Variants in PRRG4 observed in about 807,000 individuals in gnomAD.
The protein encoded by PRRG4 is proline rich and Gla domain 4.
In PRRG4, 12 loss-of-function variants were observed where a neutral mutation model predicts 20.0. The ratio of observed to expected loss-of-function variants is 0.60; its 90% CI spans 0.38 to 0.97. The LOEUF (loss-of-function observed/expected upper bound fraction) is 0.97. Ranked by LOEUF, PRRG4 falls within the 50% of genes least tolerant of loss-of-function variation. PRRG4 has a pLI of 0.00. For synonymous variants in PRRG4, 94 were observed against 96.4 expected (o/e 0.98, Z 0.15); for missense variants, 199 against 265.1 (o/e 0.75, Z 1.73).
intron 2 of PRRG4, among the ~76,000 whole-genome samples, chr11:32,831,768 C>T (rs78137657): frequency 1.3e-5 from 2 of 152,108 alleles, no homozygotes; most frequent in East Asian, 1.9e-4. Flanking sequence ...CACCTGTAAT[C>T]CTAGCACTTT....
chr11:32,845,539 G>C (rs1183521843), intron 5 of PRRG4, among the ~76,000 whole-genome samples: 1 of 151,966 alleles, frequency 6.6e-6, no homozygotes, highest in African/African-American at 2.4e-5. Context: ...GGCTGAGGCA[G>C]GAGAGTGGCG....
chr11:32,833,023 G>T (rs1850988582), intron 2 of PRRG4, among the ~76,000 whole-genome samples: 2 of 152,158 alleles, frequency 1.3e-5, no homozygotes, highest in South Asian at 4.1e-4. Context: ...GGGAAAATAG[G>T]AGCTCTTGCT....
In PRRG4 at chr11:32,840,065, T is replaced by C. The variant is rs1565114771; in HGVS notation, c.317-42T>C. 7.0e-7 allele frequency: 1 copy of C among 1,426,492 alleles called. No individual in the cohort carries two copies. The highest frequency in any genetic ancestry group is 1.7e-5 in the Admixed American group (1 of 59,100). 88.4% of individuals were successfully genotyped at this position (1,426,492 alleles called of 1,614,324 possible). On this transcript the variant is annotated intron_variant, in intron 4 of 5. Coordinates refer to ENST00000257836, the MANE Select transcript of PRRG4 (RefSeq NM_024081.6). The surrounding 1 kb of genome is among the most constrained non-coding windows in gnomAD (Gnocchi z 4.1). ...TTTGTTGAAATCATAGGTGATGCTATATAGTTGTTATATTTATGTTATTTT... is the reference window on the plus strand; with the variant it reads ...TTTGTTGAAATCATAGGTGATGCTACATAGTTGTTATATTTATGTTATTTT...
Position 32,840,335 on chromosome 11 carries a change from A to T in PRRG4, c.449+96A>T. 1.1e-6 allele frequency: 1 copy of T among 937,240 alleles called. No homozygotes were observed. The highest frequency in any genetic ancestry group is 1.6e-6 in the Non-Finnish European group (1 of 621,156). The allele number at this position is 937,240 out of a possible 1,614,324, so 58.1% of individuals were successfully genotyped here. A position where few individuals can be genotyped will look rare whatever the true frequency, so the allele number is the denominator to read the frequency against. Reference sequence around the variant, plus strand: ...CAAATGGCTGCCTATTTTCTTAAATAAGCCTTTTATTTTGGAAGAATTTTA... The same window carrying T: ...CAAATGGCTGCCTATTTTCTTAAATTAGCCTTTTATTTTGGAAGAATTTTA... On this transcript the variant is annotated intron_variant, in intron 5 of 5. Transcript: ENST00000257836. This position sits in a 1 kb window ranked among gnomAD's most constrained non-coding sequence, Gnocchi z 4.1.
At chr11:32,847,209 G>T (rs538701750) in intron 5 of PRRG4, among the ~76,000 whole-genome samples, 145 of 151,974 alleles carry the variant, frequency 9.5e-4, no homozygotes, top group Non-Finnish European at 1.5e-3. Context: ...GCAAATTACA[G>T]GTGTGAGCCA....
chr11:32,832,602 T>G (rs1850984030), intron 2 of PRRG4, among the ~76,000 whole-genome samples: 1 of 148,100 alleles, frequency 6.8e-6, no homozygotes, highest in Non-Finnish European at 1.5e-5. Context: ...TGCTTCAGCC[T>G]CCCGAGTAGC....
In PRRG4 at chr11:32,843,033, G is replaced by T. The variant is rs1851093909; in HGVS notation, c.449+2794G>T. ...CACCCAGCTAATTTTTGTAGAGACG[G>T]GGTTTCACCATGTTGGCCAGGCTAG... On this transcript the variant is annotated intron_variant, in intron 5 of 5. Coordinates refer to ENST00000257836, the MANE Select transcript of PRRG4 (RefSeq NM_024081.6). Among the ~76,000 whole-genome samples, 5 of 151,844 alleles carry T rather than the reference G, an allele frequency of 3.3e-5. 1 individual carries two copies. The South Asian group carries it at 1.0e-3, about 32-fold the overall frequency.
chr11:32,835,631 CATT>C (rs1156449820), intron 2 of PRRG4, among the ~76,000 whole-genome samples: 1 of 152,124 alleles, frequency 6.6e-6, no homozygotes, highest in African/African-American at 2.4e-5. Flanking sequence ...CCTTATAAAA[CATT>C]ATAGACACGT....
At chr11:32,846,855 GGACA>G (rs1479736751) in intron 5 of PRRG4, among the ~76,000 whole-genome samples, 3 of 152,044 alleles carry the variant, frequency 2.0e-5, no homozygotes, top group Non-Finnish European at 2.9e-5. Flanking sequence ...AAAATTAGCT[GGACA>G]TGGTGGCACA....
chr11:32,831,270 G>GA (rs370065000), intron 2 of PRRG4, among the ~76,000 whole-genome samples: 4,234 of 150,650 alleles, frequency 0.028, 76 homozygotes, highest in South Asian at 0.04. Flanking sequence ...AAAACCAGAA[G>GA]AAAAAAAAAG....
At chr11:32,842,849 G>A (rs1395848507) in intron 5 of PRRG4, among the ~76,000 whole-genome samples, 1 of 152,086 alleles carries the variant, frequency 6.6e-6, no homozygotes, top group Non-Finnish European at 1.5e-5. Flanking sequence ...CTTGAAGAAA[G>A]TGTATTATTA....
intron 2 of PRRG4, among the ~76,000 whole-genome samples, chr11:32,833,335 A>G (rs1182207437): frequency 6.6e-6 from 1 of 152,220 alleles, no homozygotes. Context: ...AGGAAAAATA[A>G]AAATGTTTGT....
At chr11:32,837,544 T>G (rs9783357) in intron 3 of PRRG4, among the ~76,000 whole-genome samples, 3,595 of 80,454 alleles carry the variant, frequency 0.045, 35 homozygotes, top group African/African-American at 0.069. Flanking sequence ...TGATGATGAT[T>G]ATTATTATTA....
chr11:32,835,002 C>T (rs1318632170), intron 2 of PRRG4, among the ~76,000 whole-genome samples: 6 of 151,972 alleles, frequency 3.9e-5, no homozygotes, highest in Non-Finnish European at 8.8e-5. Flanking sequence ...TTTGTAGAGA[C>T]GGGGTTTCAT....
At position 32,840,199 on chromosome 11, in the gene PRRG4, T is replaced by C. The variant is rs761609051; in HGVS notation, c.409T>C (p.Tyr137His). 1 of 1,607,076 alleles carries C rather than the reference T, an allele frequency of 6.2e-7. No individual in the cohort carries two copies. Among genetic ancestry groups the C allele is most frequent in the Non-Finnish European group, 8.5e-7 (1 of 1,174,056 alleles). The change falls in exon 5 of 6, where the codon TAT (tyrosine) becomes CAT (histidine). Residue 137 changes from tyrosine (Y) to histidine (H), a missense_variant. Coordinates refer to ENST00000257836, the MANE Select transcript of PRRG4 (RefSeq NM_024081.6). The surrounding 1 kb of genome is among the most constrained non-coding windows in gnomAD (Gnocchi z 4.1). ...FLVIFGLLGY[Y>H]LCITKCNRLQ... Reference sequence around the variant, plus strand: ...GGTTATTTTTGGATTACTTGGCTACTATCTTTGTATCACTAAGTGTAATAG... The same window carrying C: ...GGTTATTTTTGGATTACTTGGCTACCATCTTTGTATCACTAAGTGTAATAG...
intron 5 of PRRG4, among the ~76,000 whole-genome samples, chr11:32,841,041 T>C (rs1300759039): frequency 1.3e-5 from 2 of 151,084 alleles, no homozygotes; most frequent in Non-Finnish European, 2.9e-5. Flanking sequence ...CCAGTAAGTA[T>C]GGCTGAGTAG....
chr11:32,834,994 TG>T (rs1290985615), intron 2 of PRRG4, among the ~76,000 whole-genome samples: 2 of 152,028 alleles, frequency 1.3e-5, no homozygotes, highest in African/African-American at 4.8e-5. Flanking sequence ...TTGTATTTTT[TG>T]TAGAGACGGG....
At chr11:32,839,055 C>A in intron 4 of PRRG4, 125 bp downstream of exon 4, 1 of 660,592 alleles carries the variant, frequency 1.5e-6, no homozygotes, top group Non-Finnish European at 2.7e-6. Context: ...AAGGAGATTT[C>A]TCAACTATGC....
chr11:32,852,939 A>ATTTTTTTTTT (rs34615143), intron 5 of PRRG4, among the ~76,000 whole-genome samples: 39 of 99,098 alleles, frequency 3.9e-4, no homozygotes, highest in African/African-American at 1.2e-3. Flanking sequence ...TGCCCGGCTA[A>ATTTTTTTTTT]TTTTTTTTTT....
Sources: allele counts gnomAD v4.1 joint callset (sites outside exome capture counted in the v4.1 genomes callset), GRCh38; gene constraint gnomAD v4.1.1; non-coding constraint Gnocchi (gnomAD v3.1); transcripts MANE v1.5; gene names NCBI Gene and HGNC (gene_info 2026-07-23, HGNC 2026-07-21).